Variants in CHCHD3 observed in about 807,000 individuals in gnomAD.
CHCHD3 encodes the protein coiled-coil-helix-coiled-coil-helix domain containing 3.
In CHCHD3, 20 loss-of-function variants were observed where a neutral mutation model predicts 38.2. That is an observed-to-expected ratio of 0.52 (90% CI 0.37 to 0.76). The LOEUF is 0.76. Ranked by LOEUF, CHCHD3 falls within the 30% of genes least tolerant of loss-of-function variation. The probability of loss-of-function intolerance (pLI) is 0.00; values close to 1 mark genes in which losing one functional copy is unlikely to be tolerated. For missense variants in CHCHD3, 245 were observed against 279.2 expected, an observed-to-expected ratio of 0.88 and a Z score of 0.87; for synonymous variants, 82 against 100.0, an observed-to-expected ratio of 0.82 and a Z score of 1.07.
rs151207019 is a variant in CHCHD3, at chr7:132,962,855, C to A, written c.369+12314G>T. On this transcript the variant is annotated intron_variant, in intron 4 of 7. Transcript: ENST00000262570. ...GTATTCATCTTAATACTACTGTTTG[C>A]AAATTATGTTTAATATGGAATTTTA... Among the ~76,000 whole-genome samples the A allele has an allele frequency of 3.3e-3, 495 of 152,156 alleles. 4 individuals carry two copies. Among genetic ancestry groups the A allele is most frequent in the African/African-American group, 0.012 (485 of 41,526 alleles).
chr7:132,960,274 G>C (rs1811284144), intron 4 of CHCHD3, among the ~76,000 whole-genome samples: 1 of 152,136 alleles, frequency 6.6e-6, no homozygotes. Context: ...GAGGAGAGAG[G>C]AGAAGAGAGG....
At chr7:133,057,304 A>G (rs530226416) in intron 2 of CHCHD3, among the ~76,000 whole-genome samples, 1 of 152,352 alleles carries the variant, frequency 6.6e-6, no homozygotes, top group East Asian at 1.9e-4. Context: ...GCTCATGCCT[A>G]TAATCCCAGC....
At chr7:132,939,421 T>A (rs1295358204) in intron 4 of CHCHD3, among the ~76,000 whole-genome samples, 1 of 152,130 alleles carries the variant, frequency 6.6e-6, no homozygotes, top group African/African-American at 2.4e-5. Flanking sequence ...TATAAATATG[T>A]TTAGATACAC....
intron 4 of CHCHD3, among the ~76,000 whole-genome samples, chr7:132,890,928 TA>T (rs1212810194): frequency 6.6e-6 from 1 of 151,934 alleles, no homozygotes; most frequent in Admixed American, 6.6e-5. Flanking sequence ...CAAATAAGAG[TA>T]GGAAAAAGAG....
At chr7:132,965,670 T>C (rs112253354) in intron 4 of CHCHD3, among the ~76,000 whole-genome samples, 2,873 of 152,272 alleles carry the variant, frequency 0.019, 106 homozygotes, top group African/African-American at 0.065. Context: ...GTGCATACAC[T>C]GGGCTAAAGA....
intron 4 of CHCHD3, among the ~76,000 whole-genome samples, chr7:132,897,142 C>T (rs149809681): frequency 6.6e-6 from 1 of 152,278 alleles, no homozygotes; most frequent in Admixed American, 6.5e-5. Flanking sequence ...TCTTCTTATT[C>T]CATATTGTGG....
chr7:132,961,614 G>A (rs557862360), intron 4 of CHCHD3, among the ~76,000 whole-genome samples: 118 of 152,304 alleles, frequency 7.7e-4, no homozygotes, highest in African/African-American at 2.8e-3. Context: ...CAATGCATGC[G>A]TGCGGTTAAG....
At chr7:133,065,721 T>C (rs1814649701) in intron 2 of CHCHD3, among the ~76,000 whole-genome samples, 2 of 152,238 alleles carry the variant, frequency 1.3e-5, no homozygotes, top group African/African-American at 4.8e-5. Context: ...CTAAAACTCC[T>C]AAATGAGACA....
intron 5 of CHCHD3, among the ~76,000 whole-genome samples, chr7:132,842,759 C>T (rs1338947093): frequency 6.6e-6 from 1 of 152,136 alleles, no homozygotes; most frequent in African/African-American, 2.4e-5. Context: ...AAGCAATATG[C>T]CTTTCTCCTG....
chr7:133,042,392 C>A lies in CHCHD3; in HGVS notation c.170-17765G>T, dbSNP rs558976902. Among the ~76,000 whole-genome samples the A allele has an allele frequency of 7.2e-5, 11 of 152,308 alleles. No homozygotes were observed. The South Asian group carries it at 2.3e-3, about 32-fold the overall frequency. On this transcript the variant is annotated intron_variant, in intron 2 of 7. Coordinates refer to ENST00000262570, the MANE Select transcript of CHCHD3 (RefSeq NM_017812.4). The stretch of plus-strand genomic sequence containing the variant: ...TCCAAGGCTTAACACCAAGAGAACA[C>A]ATTCTGAGACAGTCTTTTATTGCTT...
At chr7:132,850,696 G>C (rs1808199690) in intron 5 of CHCHD3, among the ~76,000 whole-genome samples, 1 of 152,120 alleles carries the variant, frequency 6.6e-6, no homozygotes, top group Admixed American at 6.6e-5. Context: ...CAAGAACTTG[G>C]AATATGATGC....
chr7:132,806,180 C>T (rs568692771), intron 6 of CHCHD3, among the ~76,000 whole-genome samples: 91 of 152,156 alleles, frequency 6.0e-4, no homozygotes, highest in African/African-American at 2.0e-3. Context: ...CAGAGTTTCA[C>T]GACAGAGAAG....
chr7:133,069,420 A>C (rs1814758101), intron 2 of CHCHD3, among the ~76,000 whole-genome samples: 1 of 152,180 alleles, frequency 6.6e-6, no homozygotes, highest in Admixed American at 6.5e-5. Flanking sequence ...AAGTACAGGA[A>C]AATCTCACTT....
intron 5 of CHCHD3, among the ~76,000 whole-genome samples, chr7:132,877,741 T>C (rs1219691906): frequency 1.3e-5 from 2 of 152,116 alleles, no homozygotes; most frequent in African/African-American, 4.8e-5. Flanking sequence ...TCTGTTTGTG[T>C]AGCTCTCGGT....
chr7:132,894,257 C>T (rs970868116), intron 4 of CHCHD3, among the ~76,000 whole-genome samples: 2 of 152,162 alleles, frequency 1.3e-5, no homozygotes, highest in Admixed American at 1.3e-4. Flanking sequence ...GTAAACTATA[C>T]ATTTACTCCT....
chr7:132,937,946 G>A (rs1007107546), intron 4 of CHCHD3, among the ~76,000 whole-genome samples: 2 of 152,066 alleles, frequency 1.3e-5, no homozygotes, highest in African/African-American at 4.8e-5. Flanking sequence ...ACTGTAAGGT[G>A]TTTTACTTAC....
chr7:133,038,279 T>C (rs1653314277), intron 2 of CHCHD3, among the ~76,000 whole-genome samples: 1 of 152,144 alleles, frequency 6.6e-6, no homozygotes. Context: ...TATATTATAT[T>C]ATAGAAAAAT....
chr7:132,838,909 A>G (rs1807865977), intron 5 of CHCHD3, among the ~76,000 whole-genome samples: 1 of 152,114 alleles, frequency 6.6e-6, no homozygotes, highest in Non-Finnish European at 1.5e-5. Flanking sequence ...TATTTTTGTC[A>G]TCAAGATGGT....
chr7:132,850,832 G>A (rs1258448213), intron 5 of CHCHD3, among the ~76,000 whole-genome samples: 1 of 152,160 alleles, frequency 6.6e-6, no homozygotes, highest in South Asian at 2.1e-4. Flanking sequence ...GGATCACTAT[G>A]TGGAAATTTT....
Sources: allele counts gnomAD v4.1 joint callset (sites outside exome capture counted in the v4.1 genomes callset), GRCh38; gene constraint gnomAD v4.1.1; transcripts MANE v1.5; gene names NCBI Gene and HGNC (gene_info 2026-07-23, HGNC 2026-07-21).